OSBPL9: variants seen among roughly 807,000 people sequenced by gnomAD.
OSBPL9 encodes oxysterol binding protein like 9.
A neutral mutation model predicts 106.6 loss-of-function variants in OSBPL9; 40 were observed. The ratio of observed to expected loss-of-function variants is 0.38; its 90% CI spans 0.29 to 0.49. OSBPL9 has a LOEUF of 0.49. Among genes scored for constraint, OSBPL9 ranks in the 20% least tolerant of loss-of-function variants. OSBPL9 has a pLI of 0.97. For missense variants in OSBPL9, 609 were observed against 887.2 expected, an observed-to-expected ratio of 0.69 and a Z score of 3.98; for synonymous variants, 269 against 295.4, an observed-to-expected ratio of 0.91 and a Z score of 0.92.
chr1:51,573,463 G>T (rs1441304616), upstream of OSBPL9, among the ~76,000 whole-genome samples: 1 of 129,160 alleles, frequency 7.7e-6, no homozygotes, highest in Non-Finnish European at 1.6e-5. Flanking sequence ...AGCCGAGATT[G>T]TACCATTGCA....
intron 1 of OSBPL9, among the ~76,000 whole-genome samples, chr1:51,643,014 AT>A (rs559578234): frequency 1.2e-3 from 184 of 152,354 alleles, no homozygotes; most frequent in African/African-American, 4.3e-3. Flanking sequence ...ATTTTGGCTC[AT>A]GGTTTTAGCA....
intron 4 of OSBPL9, among the ~76,000 whole-genome samples, chr1:51,739,025 A>C (rs1255988128): frequency 2.0e-5 from 3 of 151,990 alleles, no homozygotes; most frequent in Non-Finnish European, 4.4e-5. Context: ...TGAAAAAAGT[A>C]ATTTGGCTAG....
the OSBPL9 span, among the ~76,000 whole-genome samples, chr1:51,558,223 T>A: frequency 6.6e-6 from 1 of 151,596 alleles, no homozygotes; most frequent in South Asian, 2.1e-4. Context: ...GAGCTTGCAG[T>A]GAGCCAAGAT....
chr1:51,753,276 G>A (rs1331761175), intron 8 of OSBPL9, among the ~76,000 whole-genome samples: 3 of 152,186 alleles, frequency 2.0e-5, no homozygotes, highest in Non-Finnish European at 4.4e-5. Flanking sequence ...CACCACTGGA[G>A]CAAGTTTATT....
intron 3 of OSBPL9, among the ~76,000 whole-genome samples, chr1:51,694,393 T>C (rs988155161): frequency 2.6e-5 from 4 of 152,174 alleles, no homozygotes; most frequent in African/African-American, 4.8e-5. Flanking sequence ...GTTGTTCGGA[T>C]TGAAGTATAT....
intron 2 of OSBPL9, among the ~76,000 whole-genome samples, chr1:51,654,588 A>C (rs537679649): frequency 1.3e-4 from 20 of 152,304 alleles, no homozygotes; most frequent in Non-Finnish European, 2.6e-4. Context: ...ACATGGATAT[A>C]TAGCATTATT....
chr1:51,544,564 G>A, the OSBPL9 span, among the ~76,000 whole-genome samples: 1 of 151,992 alleles, frequency 6.6e-6, no homozygotes, highest in East Asian at 1.9e-4. Flanking sequence ...TTGAGAGAGA[G>A]AAGCTCTCTT....
intron 1 of OSBPL9, among the ~76,000 whole-genome samples, chr1:51,640,043 GCTGGT>G (rs1264589100): frequency 6.6e-6 from 1 of 151,676 alleles, no homozygotes; most frequent in Non-Finnish European, 1.5e-5. Context: ...TGTTGCCCAG[GCTGGT>G]CTCAAATTCC....
rs766059714 is a variant in OSBPL9 at position 51,784,435 on chromosome 1, T to A, written c.1689-7T>A. The A allele has an allele frequency of 6.2e-7, 1 of 1,614,068 alleles. No homozygotes were observed. Among genetic ancestry groups the A allele is most frequent in the Non-Finnish European group, 8.5e-7 (1 of 1,179,936 alleles). On this transcript the variant is annotated splice_region_variant and splice_polypyrimidine_tract_variant and intron_variant, in intron 19 of 23. Transcript: ENST00000428468. ...TCAACCTTACCTAAAAACTTTTGAT[T>A]TTGCAGGTCTATCCTCACAGTGCCC... is the stretch of plus-strand genomic sequence containing the variant.
intron 1 of OSBPL9, among the ~76,000 whole-genome samples, chr1:51,584,672 C>T (rs1001762876): frequency 3.9e-5 from 6 of 152,174 alleles, no homozygotes; most frequent in African/African-American, 9.6e-5. Context: ...GCCGAGATCG[C>T]GCCATTGCAC....
At chr1:51,749,588 G>A (rs1668791013) in intron 7 of OSBPL9, 1 of 371,240 alleles carries the variant, frequency 2.7e-6, no homozygotes, top group East Asian at 7.7e-5. Context: ...TGGGATTACA[G>A]GTGTGAATCA....
At chr1:51,714,964 A>G (rs1440808114) in intron 4 of OSBPL9, among the ~76,000 whole-genome samples, 1 of 152,214 alleles carries the variant, frequency 6.6e-6, no homozygotes, top group Non-Finnish European at 1.5e-5. Flanking sequence ...GTGACATGCA[A>G]CTAACGTCTG....
intron 2 of OSBPL9, among the ~76,000 whole-genome samples, chr1:51,605,853 C>T (rs112438362): frequency 1.2e-4 from 18 of 151,970 alleles, no homozygotes; most frequent in African/African-American, 4.1e-4. Flanking sequence ...TGGTGGCAGG[C>T]GCCTGTAATC....
chr1:51,788,191 C>T lies in OSBPL9; in HGVS notation c.*402C>T, dbSNP rs138518142. 483 of 170,194 alleles carry T rather than the reference C, an allele frequency of 2.8e-3. 1 individual carries two copies. Among genetic ancestry groups the T allele is most frequent in the Non-Finnish European group, 4.7e-3 (374 of 79,250 alleles). 10.5% of individuals were successfully genotyped at this position (170,194 alleles called of 1,614,324 possible). On this transcript the variant is annotated 3_prime_UTR_variant, in exon 24 of 24. Transcript: ENST00000428468. ...ACACACATATATATACACACACATA[C>T]GTATACACACACATACATATATATA...
intron 2 of OSBPL9, among the ~76,000 whole-genome samples, chr1:51,662,873 T>C (rs1330153546): frequency 1.3e-5 from 2 of 151,260 alleles, no homozygotes; most frequent in Non-Finnish European, 2.9e-5. Context: ...GCCTCCTGAG[T>C]AGCTAGGACT....
chr1:51,746,132 CG>C (rs1467747105), intron 5 of OSBPL9, among the ~76,000 whole-genome samples: 4 of 152,080 alleles, frequency 2.6e-5, no homozygotes, highest in Non-Finnish European at 5.9e-5. Flanking sequence ...TTAGTAGAGA[CG>C]GGGTTTCGCC....
upstream of OSBPL9, among the ~76,000 whole-genome samples, chr1:51,572,815 AT>A (rs1162612315): frequency 1.3e-5 from 2 of 152,210 alleles, no homozygotes; most frequent in African/African-American, 4.8e-5. Flanking sequence ...GACATATTAT[AT>A]TTGTGGAGAG....
At chr1:51,662,300 G>T (rs1647241605) in intron 2 of OSBPL9, among the ~76,000 whole-genome samples, 1 of 152,088 alleles carries the variant, frequency 6.6e-6, no homozygotes, top group Non-Finnish European at 1.5e-5. Context: ...AATGCAGTTG[G>T]GAAAAAGAGA....
chr1:51,760,384 C>T (rs1215274267), intron 9 of OSBPL9: 2 of 255,462 alleles, frequency 7.8e-6, no homozygotes, highest in South Asian at 5.5e-5. Flanking sequence ...TGAGAAGCAC[C>T]GAATTGAATT....
Sources: gnomAD v4.1 joint callset for allele counts (sites outside exome capture counted in the v4.1 genomes callset) on GRCh38, gnomAD v4.1.1 for gene constraint, MANE v1.5 for transcripts, NCBI Gene and HGNC (gene_info 2026-07-23, HGNC 2026-07-21) for gene names.